Variants in ERC2 observed in about 807,000 individuals in gnomAD.
The protein encoded by ERC2 is ERC protein 2.
In ERC2, 42 loss-of-function variants were observed where a neutral mutation model predicts 114.8. The ratio of observed to expected loss-of-function variants is 0.37; its 90% CI spans 0.29 to 0.47. The LOEUF (loss-of-function observed/expected upper bound fraction) is 0.47, where lower values mean the gene tolerates loss of function less well. ERC2 is among the 20% of genes least tolerant of loss of function. The pLI is 0.99. For synonymous variants in ERC2, 454 were observed against 425.5 expected (o/e 1.07, Z -0.82); for missense variants, 939 against 1,150.7 (o/e 0.82, Z 2.66).
chr3:55,645,726 G>C (rs1486686439), intron 17 of ERC2, among the ~76,000 whole-genome samples: 1 of 152,136 alleles, frequency 6.6e-6, no homozygotes, highest in African/African-American at 2.4e-5. Context: ...TGTCTGAGTG[G>C]GGCTAATTTG....
rs547654296 is a variant in ERC2 at position 56,215,378 on chromosome 3, G to A, written c.1075-41858C>T. 2.6e-3 allele frequency among the ~76,000 whole-genome samples: 392 copies of A among 152,216 alleles called. 1 individual carries two copies. The highest frequency in any genetic ancestry group is 0.018 in the South Asian group (86 of 4,822). On this transcript the variant is annotated intron_variant, in intron 3 of 17. Transcript: ENST00000288221. ...ATAAAACAGACTTTAAACCAACAAA[G>A]ATCAAAAGAGACAAAGAAGGCCATT...
intron 17 of ERC2, among the ~76,000 whole-genome samples, chr3:55,518,220 A>G (rs2052668262): frequency 6.6e-6 from 1 of 152,202 alleles, no homozygotes; most frequent in South Asian, 2.1e-4. Flanking sequence ...CAATTGGTTG[A>G]CTGTGCTGTT....
chr3:55,831,996 C>T (rs2060623668), intron 14 of ERC2, among the ~76,000 whole-genome samples: 1 of 152,246 alleles, frequency 6.6e-6, no homozygotes, highest in Non-Finnish European at 1.5e-5. Flanking sequence ...CGGAGTTTCA[C>T]TGATTGCTGG....
At chr3:56,179,307 T>G (rs2083157828) in intron 3 of ERC2, among the ~76,000 whole-genome samples, 1 of 150,992 alleles carries the variant, frequency 6.6e-6, no homozygotes, top group Admixed American at 6.6e-5. Context: ...AGTGCAGGGG[T>G]GGGTGGGAAT....
chr3:55,739,273 C>T (rs1352430041), intron 14 of ERC2, among the ~76,000 whole-genome samples: 2 of 152,050 alleles, frequency 1.3e-5, no homozygotes, highest in Admixed American at 6.6e-5. Flanking sequence ...GGGTATATAC[C>T]CAGTAATGGG....
At chr3:55,722,242 AAAAT>A (rs2064611136) in intron 15 of ERC2, among the ~76,000 whole-genome samples, 3 of 152,122 alleles carry the variant, frequency 2.0e-5, no homozygotes, top group East Asian at 1.9e-4. Flanking sequence ...ATATTAAAAA[AAAAT>A]AATAATGTCA....
intron 14 of ERC2, among the ~76,000 whole-genome samples, chr3:55,834,205 A>T (rs1160314836): frequency 6.6e-6 from 1 of 152,182 alleles, no homozygotes; most frequent in African/African-American, 2.4e-5. Context: ...GATGAACAAG[A>T]CAGAAAGTTA....
chr3:55,542,445 T>G (rs1027932769), intron 17 of ERC2, among the ~76,000 whole-genome samples: 2 of 152,182 alleles, frequency 1.3e-5, no homozygotes, highest in African/African-American at 4.8e-5. Flanking sequence ...GGCACCTGTA[T>G]TACAGATTTC....
intron 17 of ERC2, among the ~76,000 whole-genome samples, chr3:55,536,257 G>A (rs1381310003): frequency 6.6e-6 from 1 of 152,112 alleles, no homozygotes; most frequent in East Asian, 1.9e-4. Context: ...CAAACTCACT[G>A]TCCAGACCTC....
At chr3:55,721,461 T>C (rs1237274896) in intron 15 of ERC2, among the ~76,000 whole-genome samples, 1 of 152,250 alleles carries the variant, frequency 6.6e-6, no homozygotes, top group African/African-American at 2.4e-5. Flanking sequence ...GTACTTAACG[T>C]ACTATGTGTG....
chr3:56,026,057 C>CTGTTTTTTTT (rs2074026342), intron 7 of ERC2, among the ~76,000 whole-genome samples: 1 of 69,208 alleles, frequency 1.4e-5, no homozygotes, highest in Admixed American at 1.9e-4. Context: ...CCGTTTCTTT[C>CTGTTTTTTTT]TTTTTTTTTT....
chr3:55,937,280 C>G lies in ERC2; in HGVS notation c.2403+13145G>C, dbSNP rs373875156. 4.6e-5 allele frequency among the ~76,000 whole-genome samples: 7 copies of G among 152,264 alleles called. No homozygotes were observed. In the East Asian group the frequency reaches 9.7e-4, roughly 21 times the overall value. On this transcript the variant is annotated intron_variant, in intron 13 of 17. Transcript: ENST00000288221. ...AGGCGAATCACTTGAACCTGGGAGG[C>G]GGAGGTTGCAGTGAGCCAAGATCAC... is the stretch of plus-strand genomic sequence containing the variant.
chr3:56,261,043 T>C (rs1242910093), intron 3 of ERC2, among the ~76,000 whole-genome samples: 1 of 152,254 alleles, frequency 6.6e-6, no homozygotes, highest in South Asian at 2.1e-4. Context: ...AACTACCACA[T>C]TGGACAGCAC....
At chr3:55,938,786 C>A (rs2066604882) in intron 13 of ERC2, among the ~76,000 whole-genome samples, 1 of 152,066 alleles carries the variant, frequency 6.6e-6, no homozygotes, top group South Asian at 2.1e-4. Flanking sequence ...ACTTTGACAG[C>A]ATAACATGAG....
At chr3:56,012,280 T>C (rs139170444) in intron 8 of ERC2, among the ~76,000 whole-genome samples, 116 of 152,270 alleles carry the variant, frequency 7.6e-4, no homozygotes, top group Non-Finnish European at 1.4e-3. Flanking sequence ...TTCCACTACA[T>C]GGCTGTTGGA....
At chr3:55,573,666 C>T (rs902528935) in intron 17 of ERC2, among the ~76,000 whole-genome samples, 1 of 152,082 alleles carries the variant, frequency 6.6e-6, no homozygotes. Flanking sequence ...TAGTCCTCTG[C>T]TTGCCAGAGT....
intron 3 of ERC2, among the ~76,000 whole-genome samples, chr3:56,191,968 T>G (rs75696950): frequency 1.3e-5 from 2 of 152,216 alleles, no homozygotes; most frequent in African/African-American, 4.8e-5. Context: ...ATTTCAGGTA[T>G]TAATAGTGTC....
At chr3:55,530,517 C>A (rs2053599729) in intron 17 of ERC2, among the ~76,000 whole-genome samples, 1 of 152,108 alleles carries the variant, frequency 6.6e-6, no homozygotes, top group African/African-American at 2.4e-5. Flanking sequence ...TGGAGAGCAG[C>A]ACAGCAGCTT....
At chr3:55,856,770 T>C (rs1311171038) in intron 14 of ERC2, among the ~76,000 whole-genome samples, 1 of 152,156 alleles carries the variant, frequency 6.6e-6, no homozygotes, top group Admixed American at 6.6e-5. Flanking sequence ...AAAATCCAAA[T>C]GCCCATCAGC....
Sources: gnomAD v4.1 joint callset for allele counts (sites outside exome capture counted in the v4.1 genomes callset) on GRCh38, gnomAD v4.1.1 for gene constraint, MANE v1.5 for transcripts, NCBI Gene and HGNC (gene_info 2026-07-23, HGNC 2026-07-21) for gene names.